Variants in MYLK observed in about 807,000 individuals in gnomAD.
The protein encoded by MYLK is myosin light chain kinase, also known as myosin light chain kinase, smooth muscle.
MYLK carries 106 observed loss-of-function variants against 203.4 expected under a neutral mutation model. The ratio of observed to expected loss-of-function variants is 0.52; its 90% CI spans 0.45 to 0.61. MYLK has a LOEUF of 0.61. Among genes scored for constraint, MYLK ranks in the 20% least tolerant of loss-of-function variants. The pLI, the probability that MYLK is intolerant of heterozygous loss-of-function variation, is 0.00. For synonymous variants in MYLK, 867 were observed against 959.5 expected (o/e 0.90, Z 1.78); for missense variants, 2,072 against 2,442.3 (o/e 0.85, Z 3.20).
At chr3:123,683,884 T>C (rs2060357565) in intron 19 of MYLK, among the ~76,000 whole-genome samples, 1 of 151,962 alleles carries the variant, frequency 6.6e-6, no homozygotes, top group South Asian at 2.1e-4. Flanking sequence ...TTGCCTCCAC[T>C]CCCCACTGCA....
intron 31 of MYLK, chr3:123,625,275 C>T (rs1366522425): frequency 1.3e-5 from 2 of 152,294 alleles, no homozygotes; most frequent in Admixed American, 6.5e-5. Context: ...GAGAACTATC[C>T]GGATAGTTTA....
intron 19 of MYLK, chr3:123,692,462 A>G: frequency 8.4e-7 from 1 of 1,191,256 alleles, no homozygotes; most frequent in Non-Finnish European, 1.1e-6. Context: ...CCCAGCTCAG[A>G]AGGTTCTGGG....
chr3:123,677,497 C>G (rs1380323291), intron 20 of MYLK, among the ~76,000 whole-genome samples: 2 of 152,162 alleles, frequency 1.3e-5, no homozygotes, highest in African/African-American at 4.8e-5. Flanking sequence ...CCATGCCCTA[C>G]TCAGCTTAGG....
intron 5 of MYLK, among the ~76,000 whole-genome samples, chr3:123,741,839 G>A (rs1007598335): frequency 6.6e-6 from 1 of 152,252 alleles, no homozygotes; most frequent in African/African-American, 2.4e-5. Context: ...TATCTGAAAC[G>A]TGCAGGTACA....
chr3:123,635,860 A>T (rs561332212), intron 29 of MYLK, among the ~76,000 whole-genome samples: 6 of 152,368 alleles, frequency 3.9e-5, no homozygotes, highest in South Asian at 4.1e-4. Context: ...AGCAGAACGG[A>T]TAAATTAACT....
chr3:123,670,026 C>T (rs1326101795), intron 20 of MYLK, among the ~76,000 whole-genome samples: 4 of 123,376 alleles, frequency 3.2e-5, no homozygotes, highest in African/African-American at 1.3e-4. Context: ...CAGAGCGAGA[C>T]TCCATCTCAA....
In MYLK at chr3:123,657,185, T is replaced by C. The variant is rs4528888; in HGVS notation, c.4229A>G (p.Tyr1410Cys). ...YKFRVRAINV[Y>C]GTSEPSQESE... Reference sequence around the variant, plus strand: ...CTCCTGGCTTGGCTCACTGGTTCCATACACGTTGATTGCACGTACACGGAA... The same window carrying C: ...CTCCTGGCTTGGCTCACTGGTTCCACACACGTTGATTGCACGTACACGGAA... The change falls in exon 24 of 34, where the codon TAT becomes TGT. Residue 1410 changes from tyrosine (Y) to cysteine (C), a missense_variant. Tyr to Cys is a radical substitution (Grantham distance 194). This residue lies in a region of MYLK where 524 missense variants were observed against 782.4 expected (regional missense o/e 0.67). Coordinates refer to ENST00000360304, the MANE Select transcript of MYLK (RefSeq NM_053025.4). 1.2e-6 allele frequency: 2 copies of C among 1,614,208 alleles called. No individual in the cohort carries two copies. The highest frequency in any genetic ancestry group is 1.7e-6 in the Non-Finnish European group (2 of 1,180,046).
chr3:123,740,280 A>G (rs1279785714), intron 5 of MYLK, among the ~76,000 whole-genome samples: 1 of 152,250 alleles, frequency 6.6e-6, no homozygotes, highest in Non-Finnish European at 1.5e-5. Flanking sequence ...CAAGGTCACA[A>G]AGTCAGTAAC....
intron 28 of MYLK, chr3:123,638,835 CT>C: frequency 1.0e-6 from 1 of 985,470 alleles, no homozygotes; most frequent in Non-Finnish European, 1.2e-6. Flanking sequence ...AGGGTGGTAC[CT>C]CTTGGCCATA....
At chr3:123,691,146 G>A (rs548491524) in intron 19 of MYLK, 2 of 152,286 alleles carry the variant, frequency 1.3e-5, no homozygotes, top group East Asian at 1.9e-4. Flanking sequence ...TCACTAGCTC[G>A]GGAACCAGTG....
intron 2 of MYLK, among the ~76,000 whole-genome samples, chr3:123,835,610 T>C (rs977227001): frequency 6.6e-6 from 1 of 152,140 alleles, no homozygotes; most frequent in African/African-American, 2.4e-5. Context: ...GTTTGGGGGC[T>C]CAGAAAACAA....
intron 1 of MYLK, among the ~76,000 whole-genome samples, chr3:123,881,169 T>C (rs9849278): frequency 0.012 from 1,883 of 152,210 alleles, 42 homozygotes; most frequent in African/African-American, 0.043. Context: ...AGGGAAGAGA[T>C]AGAAGTCACA....
At position 123,746,771 on chromosome 3, in the gene MYLK, C is replaced by T. The variant is rs572916376; in HGVS notation, c.373+5560G>A. Among the ~76,000 whole-genome samples, 14 of 150,914 alleles carry T rather than the reference C, an allele frequency of 9.3e-5. No homozygotes were observed. The South Asian group carries it at 2.8e-3, about 30-fold the overall frequency. Reference sequence around the variant, plus strand: ...TTAACTTTAATGAGACAGAAAAGGACAAAAACTCAGAGCATTTTAAGATTC... The same window carrying T: ...TTAACTTTAATGAGACAGAAAAGGATAAAAACTCAGAGCATTTTAAGATTC... On this transcript the variant is annotated intron_variant, in intron 5 of 33. Coordinates refer to ENST00000360304, the MANE Select transcript of MYLK (RefSeq NM_053025.4).
chr3:123,781,965 A>T (rs576219387), intron 4 of MYLK, among the ~76,000 whole-genome samples: 1 of 152,228 alleles, frequency 6.6e-6, no homozygotes, highest in East Asian at 1.9e-4. Context: ...TTTACTGGGC[A>T]TCTACCAGGA....
chr3:123,832,710 C>T (rs572336864), intron 2 of MYLK, among the ~76,000 whole-genome samples: 1 of 152,246 alleles, frequency 6.6e-6, no homozygotes, highest in East Asian at 1.9e-4. Context: ...CAAGTGAGGA[C>T]AAAGCAACTT....
At chr3:123,821,413 CT>C (rs889356279) in intron 3 of MYLK, among the ~76,000 whole-genome samples, 5 of 152,254 alleles carry the variant, frequency 3.3e-5, no homozygotes, top group Admixed American at 3.3e-4. Context: ...ATAAAAACAA[CT>C]TTTATCTTAA....
In MYLK at chr3:123,789,402, G is replaced by A. The variant is rs569283425; in HGVS notation, c.165+4275C>T. ...CACAGGTGTTAGAAGTGTGCTCAGG[G>A]CCATTTGGTAAAAAATTCCTGGGTC... On this transcript the variant is annotated intron_variant, in intron 4 of 33. Transcript: ENST00000360304. 2.4e-4 allele frequency among the ~76,000 whole-genome samples: 37 copies of A among 152,208 alleles called. 2 individuals are homozygous for A. The South Asian group carries it at 7.5e-3, about 31-fold the overall frequency.
At position 123,726,058 on chromosome 3, in the gene MYLK, C is replaced by A; in HGVS notation, c.1537G>T (p.Ala513Ser). 1 of 1,614,158 alleles carries A rather than the reference C, an allele frequency of 6.2e-7. No homozygotes were observed. Among genetic ancestry groups the A allele is most frequent in the Non-Finnish European group, 8.5e-7 (1 of 1,180,014 alleles). Residue 513 changes from alanine to serine, a missense_variant, in exon 12 of 34, where the codon GCC becomes TCC. By Grantham distance (99) the Ala-to-Ser change is moderately conservative. Transcript: ENST00000360304. ...TTCAGGACACTGGAGAAGGAGGGGG[C>A]CACCTCCATCACGGCAAGCCCTGTG... ...QVERLAVMEV[A>S]PSFSSVLKDC...
Position 123,664,226 on chromosome 3 carries a change from G to A in MYLK, c.3864C>T (p.Asn1288=). The part of the protein sequence containing the change: ...IQESEHMKVE[N]SENGSKLTIL... ...TGGTGAGCTTGCTGCCATTCTCGCT[G>A]TTCTCCACCTTCATGTGCTCGCTTT... Residue 1288 remains asparagine (N), a synonymous_variant, in exon 23 of 34, where the codon AAC becomes AAT. Coordinates refer to ENST00000360304, the MANE Select transcript of MYLK (RefSeq NM_053025.4). 1 of 1,614,200 alleles carries A rather than the reference G, an allele frequency of 6.2e-7. No individual in the cohort carries two copies. The highest frequency in any genetic ancestry group is 8.5e-7 in the Non-Finnish European group (1 of 1,180,034).
Sources: gnomAD v4.1 joint callset for allele counts (sites outside exome capture counted in the v4.1 genomes callset) on GRCh38, gnomAD v4.1.1 for gene constraint, gnomAD v4.1.1 regional missense constraint, MANE v1.5 for transcripts, NCBI Gene and HGNC (gene_info 2026-07-23, HGNC 2026-07-21) for gene names.